ZNF500: variants seen among roughly 807,000 people sequenced by gnomAD.
ZNF500 encodes zinc finger protein 500.
Under a neutral mutation model 30.1 loss-of-function variants are expected in ZNF500, and 31 were observed. The ratio of observed to expected loss-of-function variants is 1.03; its 90% CI spans 0.77 to 1.39. The LOEUF (loss-of-function observed/expected upper bound fraction) is 1.39, where lower values mean the gene tolerates loss of function less well. Ranked by LOEUF, ZNF500 falls within the 40% of genes most tolerant of loss-of-function variation. ZNF500 has a pLI of 0.00. For missense variants in ZNF500, 817 were observed against 657.8 expected (o/e 1.24, Z -2.65); for synonymous variants, 392 against 282.0 (o/e 1.39, Z -3.91).
At position 4,765,637 on chromosome 16, in the gene ZNF500, C is replaced by G. The variant is rs764374743; in HGVS notation, c.342G>C (p.Gln114His). 29 of 1,613,408 alleles carry G rather than the reference C, an allele frequency of 1.8e-5. No homozygotes were observed. The highest frequency in any genetic ancestry group is 2.5e-5 in the Non-Finnish European group (29 of 1,179,948). Residue 114 changes from glutamine (Q) to histidine (H), a missense_variant, in exon 2 of 6, where the codon CAG becomes CAC. By Grantham distance (24) the Gln-to-His change is conservative. Transcript: ENST00000219478. ...GEIQARVREQ[Q>H]PESGEEAVVL... ...CCACGGCCTCCTCACCGCTCTCCGGCTGCTGCTCGCGTACCCGAGCCTGGA... is the reference window on the plus strand; with the variant it reads ...CCACGGCCTCCTCACCGCTCTCCGGGTGCTGCTCGCGTACCCGAGCCTGGA...
At chr16:4,755,620 C>G (rs937623600) in intron 5 of ZNF500, among the ~76,000 whole-genome samples, 1 of 152,030 alleles carries the variant, frequency 6.6e-6, no homozygotes, top group Non-Finnish European at 1.5e-5. Flanking sequence ...CCTGGCCGTA[C>G]AAATATTTTT....
downstream of ZNF500, among the ~76,000 whole-genome samples, chr16:4,744,631 C>T (rs939556756): frequency 1.1e-5 from 1 of 90,196 alleles, no homozygotes; most frequent in African/African-American, 3.4e-5. Flanking sequence ...TACGTCACTC[C>T]TACTTCACCA....
chr16:4,752,628 G>A lies in ZNF500; in HGVS notation c.1191C>T (p.Val397=). 6.2e-7 allele frequency: 1 copy of A among 1,609,840 alleles called. No homozygotes were observed. The highest frequency in any genetic ancestry group is 2.2e-5 in the East Asian group (1 of 44,698). ...CCCCGCTGTGTGTCCTGCGGTGGAT[G>A]ACCAGGCTGGAGCTCTGGCTGAAGC... is the stretch of plus-strand genomic sequence containing the variant. ...GKRFSQSSSL[V]IHRRTHSGER... is the part of the protein sequence containing the mutation. The change falls in exon 6 of 6, where the codon GTC becomes GTT. Residue 397 remains valine, a synonymous_variant. Transcript: ENST00000219478.
In ZNF500 at chr16:4,751,896, A is replaced by G; in HGVS notation, c.*480T>C. Reference sequence around the variant, plus strand: ...GTATTCCCGCCTGGGGGACACAGCAAGGCCCCGTCTCAAAAAAAAAAGGGG... The same window carrying G: ...GTATTCCCGCCTGGGGGACACAGCAGGGCCCCGTCTCAAAAAAAAAAGGGG... On this transcript the variant is annotated 3_prime_UTR_variant, in exon 6 of 6. Coordinates refer to ENST00000219478, the MANE Select transcript of ZNF500 (RefSeq NM_021646.4). 4.6e-6 allele frequency: 1 copy of G among 216,708 alleles called. No individual in the cohort carries two copies. Among genetic ancestry groups the G allele is most frequent in the South Asian group, 9.8e-5 (1 of 10,206 alleles). 13.4% of individuals were successfully genotyped at this position (216,708 alleles called of 1,614,324 possible).
intron 5 of ZNF500, chr16:4,753,290 G>T: frequency 1.4e-6 from 1 of 731,048 alleles, no homozygotes; most frequent in South Asian, 3.5e-5. Flanking sequence ...GTGAGATCTC[G>T]TCTCTACAGA....
chr16:4,764,042 C>G lies in ZNF500; in HGVS notation c.415-1286G>C, dbSNP rs1258343133. ...AGGAGTTCCACAACTGAAACTGAAG[C>G]AGCAGGAATGAGTAAGAGGCTTCCT... On this transcript the variant is annotated intron_variant, in intron 2 of 5. Coordinates refer to ENST00000219478, the MANE Select transcript of ZNF500 (RefSeq NM_021646.4). 9 of 985,400 alleles carry G rather than the reference C, an allele frequency of 9.1e-6. No homozygotes were observed. In the East Asian group the frequency reaches 7.9e-4, roughly 87 times the overall value. 61.0% of individuals were successfully genotyped at this position (985,400 alleles called of 1,614,324 possible).
At chr16:4,757,074 A>G (rs534391617) in intron 5 of ZNF500, among the ~76,000 whole-genome samples, 1 of 152,332 alleles carries the variant, frequency 6.6e-6, no homozygotes, top group East Asian at 1.9e-4. Flanking sequence ...GGAAGAAAAA[A>G]GTTTTGGAAC....
At chr16:4,762,372 C>T (rs756535846) in intron 3 of ZNF500, 37 bp from the exon 4 acceptor site, 4 of 1,579,324 alleles carry the variant, frequency 2.5e-6, no homozygotes, top group South Asian at 1.2e-5. Context: ...TCACACAGCT[C>T]ACCCAGTACT....
At chr16:4,757,902 ATTTTTT>A (rs112830341) in intron 5 of ZNF500, among the ~76,000 whole-genome samples, 1 of 133,376 alleles carries the variant, frequency 7.5e-6, no homozygotes, top group Admixed American at 7.8e-5. Flanking sequence ...GCGCCAGCCA[ATTTTTT>A]TTTTTTTTTT....
chr16:4,749,226 T>C lies in ZNF500; in HGVS notation c.*3150A>G, dbSNP rs115450422. 3.3e-3 allele frequency: 506 copies of C among 154,482 alleles called. 3 individuals are homozygous for C. The highest frequency in any genetic ancestry group is 0.012 in the African/African-American group (479 of 41,616). The allele number at this position is 154,482 out of a possible 1,614,324, so 9.6% of individuals were successfully genotyped here. ...CCGCCAGAACCGGGCTCTGCCCCCA[T>C]ACGCTGCCCTCGCAGCCTGGCGGCC... On this transcript the variant is annotated 3_prime_UTR_variant, in exon 6 of 6. Coordinates refer to ENST00000219478, the MANE Select transcript of ZNF500 (RefSeq NM_021646.4).
Position 4,760,536 on chromosome 16 carries a change from C to G in ZNF500, c.716G>C (p.Arg239Thr). ...VAVYLSGEEP[R>T]CMDPAQRDAP... Reference sequence around the variant, plus strand: ...GTCCCGCTGAGCTGGGTCCATGCATCTTGGCTCCTCCCCAGAAAGGTATAC... The same window carrying G: ...GTCCCGCTGAGCTGGGTCCATGCATGTTGGCTCCTCCCCAGAAAGGTATAC... Residue 239 changes from arginine to threonine, a missense_variant, in exon 5 of 6, where the codon AGA becomes ACA. Arg to Thr is a moderately conservative substitution (Grantham distance 71). Transcript: ENST00000219478. 2 of 1,613,874 alleles carry G rather than the reference C, an allele frequency of 1.2e-6. No individual in the cohort carries two copies. The highest frequency in any genetic ancestry group is 1.6e-4 in the Middle Eastern group (1 of 6,062).
rs373201897 is a variant in ZNF500 at position 4,764,714 on chromosome 16, G to A, written c.414+851C>T. ...GGAGAATGGCGTGAATCCGGGAGGC[G>A]GAGCTTGCAGTGAGCCGAGATTGCG... On this transcript the variant is annotated intron_variant, in intron 2 of 5. Transcript: ENST00000219478. 2.6e-5 allele frequency among the ~76,000 whole-genome samples: 4 copies of A among 151,272 alleles called. No homozygotes were observed. The East Asian group carries it at 7.8e-4, about 29-fold the overall frequency.
chr16:4,757,600 C>CGTTTTT (rs574283201), intron 5 of ZNF500, among the ~76,000 whole-genome samples: 5 of 150,450 alleles, frequency 3.3e-5, no homozygotes, highest in Non-Finnish European at 7.4e-5. Flanking sequence ...ATGCCCGGCC[C>CGTTTTT]GTTTTTGTTT....
In ZNF500 at chr16:4,752,729, C is replaced by T. The variant is rs1299826270; in HGVS notation, c.1090G>A (p.Asp364Asn). The change falls in exon 6 of 6, where the codon GAC becomes AAC. Residue 364 changes from aspartate (D) to asparagine (N), a missense_variant. Physicochemically the swap from Asp to Asn is conservative, Grantham distance 23. Coordinates refer to ENST00000219478, the MANE Select transcript of ZNF500 (RefSeq NM_021646.4). ...TGGTGCGTGCTGAAGTTGGAGCGGT[C>T]GCTAAAGCCCTTCCCACAGACTAGG... ...KCLVCGKGFS[D>N]RSNFSTHQRV... 9 of 1,614,048 alleles carry T rather than the reference C, an allele frequency of 5.6e-6. No individual in the cohort carries two copies. The highest frequency in any genetic ancestry group is 2.2e-5 in the South Asian group (2 of 91,090).
rs757581776 is a variant in ZNF500, at chr16:4,765,942, A to C, written c.37T>G (p.Leu13Val). ...TVPGLQPLPT[L>V]EQDLEQEEIL... ...TCTTCCTGTTCCAGGTCCTGCTCCA[A>C]GGTTGGCAGGGGCTGGAGGCCAGGG... is the stretch of plus-strand genomic sequence containing the variant. Residue 13 changes from leucine to valine, a missense_variant, in exon 2 of 6, where the codon TTG (leucine) becomes GTG (valine). By Grantham distance (32) the Leu-to-Val change is conservative (BLOSUM62 1). Coordinates refer to ENST00000219478, the MANE Select transcript of ZNF500 (RefSeq NM_021646.4). 2.5e-6 allele frequency: 4 copies of C among 1,593,808 alleles called. No homozygotes were observed. The highest frequency in any genetic ancestry group is 3.4e-6 in the Non-Finnish European group (4 of 1,171,068).
chr16:4,765,159 G>C (rs2082250328), intron 2 of ZNF500, among the ~76,000 whole-genome samples: 1 of 152,106 alleles, frequency 6.6e-6, no homozygotes, highest in Non-Finnish European at 1.5e-5. Context: ...AAAATTAGCA[G>C]GTGTAGTGGT....
Position 4,765,912 on chromosome 16 carries a change from G to A in ZNF500, c.67C>T (p.Leu23=), listed in dbSNP as rs1320133754. The A allele has an allele frequency of 6.2e-7, 1 of 1,611,566 alleles. No homozygotes were observed. The highest frequency in any genetic ancestry group is 1.3e-5 in the African/African-American group (1 of 74,886). ...LEQDLEQEEI[L]IVKVEEDFCL... is the part of the protein sequence containing the mutation. Reference sequence around the variant, plus strand: ...AAGTCCTCCTCCACCTTCACAATCAGGATCTCTTCCTGTTCCAGGTCCTGC... The same window carrying A: ...AAGTCCTCCTCCACCTTCACAATCAAGATCTCTTCCTGTTCCAGGTCCTGC... Residue 23 remains leucine, a synonymous_variant, in exon 2 of 6, where the codon CTG becomes TTG. Coordinates refer to ENST00000219478, the MANE Select transcript of ZNF500 (RefSeq NM_021646.4).
At chr16:4,763,911 C>T in intron 2 of ZNF500, 2 of 985,452 alleles carry the variant, frequency 2.0e-6, no homozygotes, top group South Asian at 9.4e-5. Context: ...AGCAGCACTG[C>T]CACAGGAAGA....
chr16:4,749,349 C>T lies in ZNF500; in HGVS notation c.*3027G>A, dbSNP rs929135862. 1 of 154,452 alleles carries T rather than the reference C, an allele frequency of 6.5e-6. No homozygotes were observed. The highest frequency in any genetic ancestry group is 6.5e-5 in the Admixed American group (1 of 15,298). The allele number at this position is 154,452 out of a possible 1,614,324, so 9.6% of individuals were successfully genotyped here. The stretch of plus-strand genomic sequence containing the variant: ...CACCTTTTTAATGCCAGTAACCTCA[C>T]TGAGAATGTTTTACAGTGATGGAAA... On this transcript the variant is annotated 3_prime_UTR_variant, in exon 6 of 6. Transcript: ENST00000219478.
Sources: gnomAD v4.1 joint callset for allele counts (sites outside exome capture counted in the v4.1 genomes callset) on GRCh38, gnomAD v4.1.1 for gene constraint, MANE v1.5 for transcripts, NCBI Gene and HGNC (gene_info 2026-07-23, HGNC 2026-07-21) for gene names.